The following STK39 variants were observed in gnomAD, a reference collection of about 807,000 sequenced individuals.
The protein encoded by STK39 is STE20/SPS1-related proline-alanine-rich protein kinase.
STK39 carries 20 observed loss-of-function variants against 77.8 expected under a neutral mutation model. That is an observed-to-expected ratio of 0.26 (90% confidence interval 0.18 to 0.37). STK39 has a LOEUF of 0.37. Ranked by LOEUF, STK39 falls within the 10% of genes least tolerant of loss-of-function variation. STK39 has a pLI of 1.00. For missense variants in STK39, 479 were observed against 656.5 expected, an observed-to-expected ratio of 0.73 and a Z score of 2.95; for synonymous variants, 246 against 234.1, an observed-to-expected ratio of 1.05 and a Z score of -0.47.
chr2:168,235,980 T>C (rs1690595219), intron 1 of STK39, among the ~76,000 whole-genome samples: 1 of 152,096 alleles, frequency 6.6e-6, no homozygotes, highest in Admixed American at 6.6e-5. Context: ...AGTAATGGAA[T>C]GGCTGGGTCA....
At chr2:168,087,576 G>C (rs529772591) in intron 10 of STK39, among the ~76,000 whole-genome samples, 1 of 152,378 alleles carries the variant, frequency 6.6e-6, no homozygotes, top group Non-Finnish European at 1.5e-5. Context: ...GTGCCCTAGA[G>C]CTCCAGCTTG....
At chr2:168,145,180 G>A (rs2105542909) in intron 5 of STK39, among the ~76,000 whole-genome samples, 1 of 152,218 alleles carries the variant, frequency 6.6e-6, no homozygotes, top group Non-Finnish European at 1.5e-5. Flanking sequence ...TCCAGACAAA[G>A]AAACGGCATG....
intron 10 of STK39, among the ~76,000 whole-genome samples, chr2:168,124,003 G>A (rs1687477147): frequency 6.6e-6 from 1 of 152,026 alleles, no homozygotes; most frequent in African/African-American, 2.4e-5. Flanking sequence ...TGGGGCCAAG[G>A]GCCTTGGGGC....
intron 16 of STK39, among the ~76,000 whole-genome samples, chr2:167,991,767 C>T (rs1683705718): frequency 6.6e-6 from 1 of 152,148 alleles, no homozygotes; most frequent in Non-Finnish European, 1.5e-5. Flanking sequence ...ACTTCCCCTC[C>T]CTTAGAGGAA....
chr2:168,247,561 C>CGCCGCCGCCGCCGCT lies in STK39; in HGVS notation c.-127_-126insAGCGGCGGCGGCGGC. The CGCCGCCGCCGCCGCT allele has an allele frequency of 1.3e-6, 1 of 752,396 alleles. No homozygotes were observed. The highest frequency in any genetic ancestry group is 1.7e-6 in the Non-Finnish European group (1 of 588,782). The allele number at this position is 752,396 out of a possible 1,614,324, so 46.6% of individuals were successfully genotyped here. A position where few individuals can be genotyped will look rare whatever the true frequency, so the allele number is the denominator to read the frequency against. ...CCTCCCCGCCCGCCGCCGCCGCCGC[C>CGCCGCCGCCGCCGCT]GTCCCCGCCGAAGCCAGCTAGGAGG... On this transcript the variant is annotated 5_prime_UTR_variant, in exon 1 of 18. Transcript: ENST00000355999.
chr2:167,992,611 T>C (rs1395119362), intron 16 of STK39, among the ~76,000 whole-genome samples: 1 of 152,208 alleles, frequency 6.6e-6, no homozygotes, highest in Non-Finnish European at 1.5e-5. Context: ...AAGAACTGTG[T>C]TAAATTAAGA....
chr2:168,214,132 C>T (rs749200834), intron 1 of STK39, among the ~76,000 whole-genome samples: 1 of 152,058 alleles, frequency 6.6e-6, no homozygotes, highest in Non-Finnish European at 1.5e-5. Context: ...CATGCAATCC[C>T]AGGCAAGTCA....
At chr2:168,230,111 T>C (rs1046350365) in intron 1 of STK39, among the ~76,000 whole-genome samples, 3 of 152,196 alleles carry the variant, frequency 2.0e-5, no homozygotes, top group African/African-American at 4.8e-5. Context: ...TTGTGCTAAA[T>C]TGAGCTGCTG....
intron 5 of STK39, among the ~76,000 whole-genome samples, chr2:168,152,823 A>G (rs1190204511): frequency 6.6e-6 from 1 of 152,230 alleles, no homozygotes; most frequent in East Asian, 1.9e-4. Flanking sequence ...AGGCATGAAC[A>G]ACTTAGATCA....
At chr2:168,147,232 G>C (rs1341074760) in intron 5 of STK39, among the ~76,000 whole-genome samples, 1 of 152,154 alleles carries the variant, frequency 6.6e-6, no homozygotes, top group Non-Finnish European at 1.5e-5. Context: ...AATTTGGTTT[G>C]ATTCCCAGTT....
intron 14 of STK39, among the ~76,000 whole-genome samples, chr2:168,026,933 C>T (rs1684712860): frequency 1.3e-5 from 2 of 152,142 alleles, no homozygotes; most frequent in African/African-American, 4.8e-5. Context: ...GCCTGGGACA[C>T]ACCGTGAGAT....
At chr2:168,118,833 G>A (rs1389960579) in intron 10 of STK39, among the ~76,000 whole-genome samples, 3 of 152,044 alleles carry the variant, frequency 2.0e-5, no homozygotes, top group Non-Finnish European at 4.4e-5. Context: ...TCAATGAACT[G>A]TTCTAATAGC....
intron 1 of STK39, among the ~76,000 whole-genome samples, chr2:168,199,803 G>T (rs909824283): frequency 3.3e-5 from 5 of 149,382 alleles, no homozygotes; most frequent in African/African-American, 1.3e-4. Context: ...GTGAGCCACC[G>T]TGCCTGGCCA....
intron 1 of STK39, among the ~76,000 whole-genome samples, chr2:168,205,438 ATTACT>A (rs1689716960): frequency 6.6e-6 from 1 of 152,174 alleles, no homozygotes; most frequent in African/African-American, 2.4e-5. Flanking sequence ...CAACTAAAAA[ATTACT>A]TTATAATATT....
chr2:168,120,669 T>C (rs1259246856), intron 10 of STK39, among the ~76,000 whole-genome samples: 1 of 152,228 alleles, frequency 6.6e-6, no homozygotes, highest in East Asian at 1.9e-4. Context: ...TATATGTGAT[T>C]ATTAAAAAAT....
chr2:168,181,334 A>C (rs916799590), intron 2 of STK39, among the ~76,000 whole-genome samples: 4 of 152,214 alleles, frequency 2.6e-5, no homozygotes, highest in Non-Finnish European at 5.9e-5. Flanking sequence ...CTGTTCATTT[A>C]ATAATGAGTC....
At chr2:168,126,842 T>C (rs1687555894) in intron 10 of STK39, among the ~76,000 whole-genome samples, 1 of 152,022 alleles carries the variant, frequency 6.6e-6, no homozygotes, top group South Asian at 2.1e-4. Context: ...CAGCCAATAT[T>C]ATGAAACTAG....
Position 168,075,097 on chromosome 2 carries a change from G to C in STK39, c.1212+12C>G. 6.2e-7 allele frequency: 1 copy of C among 1,614,064 alleles called. No homozygotes were observed. Among genetic ancestry groups the C allele is most frequent in the Non-Finnish European group, 8.5e-7 (1 of 1,180,014 alleles). ...TTACACAGATTAGCTCATCGTCAAC[G>C]ATGTCATTTACCTTTTCCTGAGAAA... On this transcript the variant is annotated intron_variant, in intron 11 of 17. Coordinates refer to ENST00000355999, the MANE Select transcript of STK39 (RefSeq NM_013233.3).
rs113898171 is a variant in STK39, at chr2:167,983,196, T to C, written c.1499-18470A>G. Among the ~76,000 whole-genome samples the C allele has an allele frequency of 1.3e-3, 198 of 152,200 alleles. 3 individuals carry two copies. The highest frequency in any genetic ancestry group is 4.1e-3 in the African/African-American group (172 of 41,542). ...TTCATAGCATAGAAATTGTAGGAAA[T>C]AGGCCAGGTGCGGTGGTTCGTGACT... On this transcript the variant is annotated intron_variant, in intron 16 of 17. Coordinates refer to ENST00000355999, the MANE Select transcript of STK39 (RefSeq NM_013233.3).
Sources: gnomAD v4.1 joint callset for allele counts (sites outside exome capture counted in the v4.1 genomes callset) on GRCh38, gnomAD v4.1.1 for gene constraint, MANE v1.5 for transcripts, NCBI Gene and HGNC (gene_info 2026-07-23, HGNC 2026-07-21) for gene names.